Variants in GAGE10 observed in about 807,000 individuals in gnomAD.
GAGE10 encodes G antigen 10.
Under a neutral mutation model 11.5 loss-of-function variants are expected in GAGE10, and 9 were observed. That is an observed-to-expected ratio of 0.78 (90% CI 0.47 to 1.37). The LOEUF (loss-of-function observed/expected upper bound fraction) is 1.37, where lower values mean the gene tolerates loss of function less well. Ranked by LOEUF, GAGE10 falls within the 40% of genes most tolerant of loss-of-function variation. The pLI is 0.00. For missense variants in GAGE10, 83 were observed against 92.9 expected, an observed-to-expected ratio of 0.89 and a Z score of 0.44; for synonymous variants, 23 against 29.7, an observed-to-expected ratio of 0.77 and a Z score of 0.73.
At chrX:49,317,729 T>C (rs1199124143) in intron 4 of GAGE10, among the ~76,000 whole-genome samples, 1 of 111,233 alleles carries the variant, frequency 9.0e-6, no homozygotes, top group African/African-American at 3.3e-5. Context: ...ATTTGAAACG[T>C]AGTTCAGGCC....
intron 3 of GAGE10, among the ~76,000 whole-genome samples, chrX:49,308,628 C>T (rs1232077636): frequency 8.9e-6 from 1 of 112,088 alleles, no homozygotes; most frequent in African/African-American, 3.2e-5. Flanking sequence ...TTTGGATGAA[C>T]CTCATGTCCC....
intron 3 of GAGE10, among the ~76,000 whole-genome samples, chrX:49,306,958 T>G (rs1471757797): frequency 8.9e-6 from 1 of 112,220 alleles, no homozygotes; most frequent in Non-Finnish European, 1.9e-5. Context: ...CTGTACCACT[T>G]AAAAATAGTT....
intron 3 of GAGE10, among the ~76,000 whole-genome samples, chrX:49,308,131 A>G (rs1242432530): frequency 2.7e-5 from 3 of 112,597 alleles, no homozygotes; most frequent in Non-Finnish European, 5.6e-5. Flanking sequence ...GCCCCACGAA[A>G]TGCTTAAAAG....
intron 3 of GAGE10, among the ~76,000 whole-genome samples, chrX:49,316,620 G>T (rs1462921764): frequency 3.6e-5 from 4 of 111,816 alleles, no homozygotes; most frequent in Non-Finnish European, 7.5e-5. Context: ...ATCACATCTT[G>T]CATGTGCTTT....
At chrX:49,305,775 TG>T (rs1557124064) in intron 3 of GAGE10, among the ~76,000 whole-genome samples, 1 of 111,637 alleles carries the variant, frequency 9.0e-6, no homozygotes, top group Non-Finnish European at 1.9e-5. Flanking sequence ...ATGGAGGCGC[TG>T]GGATTGTGTT....
chrX:49,317,392 G>C lies in GAGE10; in HGVS notation c.328+104G>C, dbSNP rs1283168268. The C allele has an allele frequency of 4.4e-5, 48 of 1,079,469 alleles. No individual in the cohort carries two copies. The Middle Eastern group carries it at 8.6e-4, about 19-fold the overall frequency. The allele number at this position is 1,079,469 out of a possible 1,213,427, so 89.0% of individuals were successfully genotyped here. On this transcript the variant is annotated intron_variant, in intron 4 of 4. Coordinates refer to ENST00000407599, the MANE Select transcript of GAGE10 (RefSeq NM_001098413.4). ...AGATGGAGTCTTGCTCTGTCCACCA[G>C]GCTGGAGTGCAGTGGTGGCATCTCG...
chrX:49,316,315 G>GTAA (rs1557125211), intron 3 of GAGE10, among the ~76,000 whole-genome samples: 1 of 111,887 alleles, frequency 8.9e-6, no homozygotes, highest in Non-Finnish European at 1.9e-5. Flanking sequence ...AAGAAATGAT[G>GTAA]TAATGCATGT....
At chrX:49,306,394 A>T (rs1483579556) in intron 3 of GAGE10, among the ~76,000 whole-genome samples, 1 of 111,783 alleles carries the variant, frequency 8.9e-6, no homozygotes, top group Non-Finnish European at 1.9e-5. Flanking sequence ...TTTGTTCTTC[A>T]CGGGGTTCAT....
rs1466059303 is a variant in GAGE10, at chrX:49,310,891, G to A, written c.202+5367G>A. ...GAGTTTCTATATATGCCAAATTGTC[G>A]AGTGCCCTTGTTAGGAAGAGACTTA... is the stretch of plus-strand genomic sequence containing the variant. On this transcript the variant is annotated intron_variant, in intron 3 of 4. Transcript: ENST00000407599. 4.5e-5 allele frequency among the ~76,000 whole-genome samples: 5 copies of A among 111,431 alleles called. No individual in the cohort carries two copies. In the East Asian group the frequency reaches 8.4e-4, roughly 19 times the overall value.
At chrX:49,310,560 G>T (rs1429200922) in intron 3 of GAGE10, among the ~76,000 whole-genome samples, 1 of 111,931 alleles carries the variant, frequency 8.9e-6, no homozygotes, top group African/African-American at 3.3e-5. Flanking sequence ...TCGGTTGCTA[G>T]TTGTGGTGCT....
chrX:49,313,811 T>C (rs1421150111), intron 3 of GAGE10, among the ~76,000 whole-genome samples: 2 of 111,362 alleles, frequency 1.8e-5, no homozygotes, highest in African/African-American at 6.5e-5. Flanking sequence ...CGAATGCTCC[T>C]ACGGCAAAAC....
In GAGE10 at chrX:49,304,249, G is replaced by A. The variant is rs199553097; in HGVS notation, c.-9+496G>A. On this transcript the variant is annotated intron_variant, in intron 1 of 4. Coordinates refer to ENST00000407599, the MANE Select transcript of GAGE10 (RefSeq NM_001098413.4). The stretch of plus-strand genomic sequence containing the variant: ...TGGGGAGCCCCGAGTGAGAAGCATC[G>A]CAAGATCTCACCTCCGCCATGGAAG... Among the ~76,000 whole-genome samples, 9 of 112,183 alleles carry A rather than the reference G, an allele frequency of 8.0e-5. No individual in the cohort carries two copies. In the East Asian group the frequency reaches 1.7e-3, roughly 21 times the overall value.
At chrX:49,314,545 C>T (rs2066385143) in intron 3 of GAGE10, among the ~76,000 whole-genome samples, 1 of 112,632 alleles carries the variant, frequency 8.9e-6, no homozygotes, top group Non-Finnish European at 1.9e-5. Flanking sequence ...CCTTTCTCGT[C>T]TACAGGACAG....
intron 4 of GAGE10, 92 bp downstream of exon 4, chrX:49,317,380 C>T (rs781932937): frequency 9.0e-7 from 1 of 1,106,113 alleles, no homozygotes; most frequent in African/African-American, 1.8e-5. Context: ...TGGAGTCTTG[C>T]TCTGTCCACC....
intron 3 of GAGE10, among the ~76,000 whole-genome samples, chrX:49,311,696 C>T (rs1311175393): frequency 6.2e-5 from 7 of 112,308 alleles, no homozygotes; most frequent in Non-Finnish European, 1.3e-4. Flanking sequence ...TGTAAAAAGC[C>T]CTTCTTTTGA....
At chrX:49,316,681 T>C (rs2066392885) in intron 3 of GAGE10, among the ~76,000 whole-genome samples, 1 of 112,461 alleles carries the variant, frequency 8.9e-6, no homozygotes, top group Non-Finnish European at 1.9e-5. Flanking sequence ...AATTTGTCTT[T>C]GTCATTCATG....
chrX:49,317,130 T>C lies in GAGE10; in HGVS notation c.203-33T>C, dbSNP rs782259477. On this transcript the variant is annotated intron_variant, in intron 3 of 4. Transcript: ENST00000407599. ...TTCTTATTCATATTTCATGTTTTAC[T>C]GCTTAAATTGATATGTATTTTTTAT... The C allele has an allele frequency of 4.3e-6, 5 of 1,172,573 alleles. No individual in the cohort carries two copies. The South Asian group carries it at 7.2e-5, about 17-fold the overall frequency.
chrX:49,305,828 T>G (rs782239749), intron 3 of GAGE10, among the ~76,000 whole-genome samples: 6 of 111,508 alleles, frequency 5.4e-5, no homozygotes, highest in East Asian at 5.6e-4. Context: ...AATTTGTATT[T>G]TGTTCCAAGG....
intron 3 of GAGE10, among the ~76,000 whole-genome samples, chrX:49,307,367 T>C (rs1331743687): frequency 3.6e-5 from 4 of 112,455 alleles, no homozygotes; most frequent in African/African-American, 1.3e-4. Flanking sequence ...TCCTTGGTCA[T>C]CACTGCAGAA....
Sources: gnomAD v4.1 joint callset for allele counts (sites outside exome capture counted in the v4.1 genomes callset) on GRCh38, gnomAD v4.1.1 for gene constraint, MANE v1.5 for transcripts, NCBI Gene and HGNC (gene_info 2026-07-23, HGNC 2026-07-21) for gene names.